The following EYS variants were observed in gnomAD, a reference collection of about 807,000 sequenced individuals.
The protein encoded by EYS is protein eyes shut homolog.
Under a neutral mutation model 282.1 loss-of-function variants are expected in EYS, and 250 were observed. That is an observed-to-expected ratio of 0.89 (90% CI 0.80 to 0.98). The LOEUF is 0.98. Ranked by LOEUF, EYS falls within the 50% of genes least tolerant of loss-of-function variation. The pLI is 0.00. For missense variants in EYS, 4,016 were observed against 3,709.0 expected (o/e 1.08, Z -2.15); for synonymous variants, 1,355 against 1,282.9 (o/e 1.06, Z -1.20).
chr6:64,315,625 A>T (rs548385609), intron 29 of EYS, among the ~76,000 whole-genome samples: 12 of 148,950 alleles, frequency 8.1e-5, no homozygotes, highest in Non-Finnish European at 1.6e-4. Flanking sequence ...ATGCAAATCA[A>T]TAAGTGTAAT....
At chr6:64,188,274 A>G (rs1765004176) in intron 31 of EYS, among the ~76,000 whole-genome samples, 1 of 152,110 alleles carries the variant, frequency 6.6e-6, no homozygotes, top group Non-Finnish European at 1.5e-5. Context: ...TAGCTCAAAG[A>G]AAATTTGCAT....
intron 31 of EYS, among the ~76,000 whole-genome samples, chr6:64,101,519 A>G (rs971703384): frequency 6.6e-6 from 1 of 151,858 alleles, no homozygotes; most frequent in African/African-American, 2.4e-5. Context: ...AAAAACAAAA[A>G]TAGAAAACCA....
At chr6:64,558,697 T>C (rs2149810239) in intron 26 of EYS, among the ~76,000 whole-genome samples, 1 of 152,308 alleles carries the variant, frequency 6.6e-6, no homozygotes, top group South Asian at 2.1e-4. Context: ...CATCATGTAA[T>C]AAACAGTATA....
In EYS at chr6:64,590,588, G is replaced by C. The variant is rs1423659317; in HGVS notation, c.5279C>G (p.Thr1760Arg). The C allele has an allele frequency of 1.1e-5, 17 of 1,551,130 alleles. No homozygotes were observed. Among genetic ancestry groups the C allele is most frequent in the Non-Finnish European group, 1.4e-5 (16 of 1,146,704 alleles). ...LQIYPDVTLK[T>R]YSEITHANDF... ...ATTTGCATGTGTAATTTCTGAATATGTCTTTAAAGTAACATCCGGATAAAT... is the reference window on the plus strand; with the variant it reads ...ATTTGCATGTGTAATTTCTGAATATCTCTTTAAAGTAACATCCGGATAAAT... Residue 1760 changes from threonine (T) to arginine (R), a missense_variant, in exon 26 of 43, where the codon ACA (threonine) becomes AGA (arginine). Coordinates refer to ENST00000503581, the MANE Select transcript of EYS (RefSeq NM_001142800.2).
In EYS at chr6:64,410,119, A is replaced by G. The variant is rs1773840342; in HGVS notation, c.5928-21279T>C. Among the ~76,000 whole-genome samples, 3 of 152,228 alleles carry G rather than the reference A, an allele frequency of 2.0e-5. No individual in the cohort carries two copies. The South Asian group carries it at 6.2e-4, about 32-fold the overall frequency. ...GGACTGTGTTAGTGCAGATAAAAAA[A>G]GAGATTCAGGGCATTTAACCAGGCA... is the stretch of plus-strand genomic sequence containing the variant. On this transcript the variant is annotated intron_variant, in intron 28 of 42. Transcript: ENST00000503581.
At chr6:64,686,853 A>ACACG in intron 22 of EYS, among the ~76,000 whole-genome samples, 1 of 19,594 alleles carries the variant, frequency 5.1e-5, no homozygotes, top group East Asian at 9.1e-4. Flanking sequence ...ATATATATAT[A>ACACG]TGTGTATATA....
chr6:64,411,959 G>GTA (rs929913828), intron 28 of EYS, among the ~76,000 whole-genome samples: 6 of 151,082 alleles, frequency 4.0e-5, no homozygotes, highest in Non-Finnish European at 7.4e-5. Context: ...ATGCATATAT[G>GTA]TATATATATA....
At chr6:65,423,523 G>T (rs1413444549) in intron 5 of EYS, among the ~76,000 whole-genome samples, 1 of 151,846 alleles carries the variant, frequency 6.6e-6, no homozygotes, top group African/African-American at 2.4e-5. Flanking sequence ...TGATTCAGCG[G>T]GTCTACATTA....
At chr6:65,367,295 G>A (rs9345609) in intron 8 of EYS, among the ~76,000 whole-genome samples, 136,577 of 151,596 alleles carry the variant, frequency 0.9, 61,928 homozygotes, top group Non-Finnish European at 0.95. Flanking sequence ...CTGCTATCTT[G>A]AGGATCCAAA....
intron 26 of EYS, among the ~76,000 whole-genome samples, chr6:64,557,046 G>A (rs1765254989): frequency 1.3e-5 from 2 of 151,808 alleles, no homozygotes; most frequent in South Asian, 2.1e-4. Context: ...ACAATAAGTA[G>A]AAAAATAACA....
intron 11 of EYS, among the ~76,000 whole-genome samples, chr6:65,306,581 G>A (rs148367660): frequency 0.031 from 4,656 of 151,168 alleles, 85 homozygotes; most frequent in Non-Finnish European, 0.044. Flanking sequence ...TCAATGTTTC[G>A]TGTTCCGCAT....
intron 14 of EYS, among the ~76,000 whole-genome samples, chr6:64,967,471 C>T (rs1005933375): frequency 6.6e-6 from 1 of 151,956 alleles, no homozygotes; most frequent in Non-Finnish European, 1.5e-5. Flanking sequence ...ATTAGAGCAA[C>T]CACACCTGGC....
chr6:63,950,982 C>A (rs1765569569), intron 35 of EYS, among the ~76,000 whole-genome samples: 1 of 152,030 alleles, frequency 6.6e-6, no homozygotes, highest in Admixed American at 6.6e-5. Flanking sequence ...TGATTATTCA[C>A]CGACATTTCA....
intron 2 of EYS, among the ~76,000 whole-genome samples, chr6:65,538,243 A>T (rs1768032507): frequency 6.6e-6 from 1 of 152,210 alleles, no homozygotes; most frequent in Non-Finnish European, 1.5e-5. Context: ...TTAAGAAAGC[A>T]AGAAGAGTGG....
At chr6:64,123,552 CA>C (rs1773661123) in intron 31 of EYS, among the ~76,000 whole-genome samples, 1 of 152,126 alleles carries the variant, frequency 6.6e-6, no homozygotes, top group South Asian at 2.1e-4. Flanking sequence ...CACCTTTTAG[CA>C]ATCTTGGTTT....
chr6:65,583,472 C>A (rs1469579992), intron 2 of EYS, among the ~76,000 whole-genome samples: 1 of 151,982 alleles, frequency 6.6e-6, no homozygotes, highest in Non-Finnish European at 1.5e-5. Context: ...AATGGCAAGT[C>A]CGAGCCGGTA....
At chr6:65,616,611 C>T (rs1444886928) in intron 2 of EYS, among the ~76,000 whole-genome samples, 2 of 151,918 alleles carry the variant, frequency 1.3e-5, no homozygotes, top group South Asian at 2.1e-4. Context: ...AATGGTGAAA[C>T]CCCGTGTCTA....
chr6:64,215,430 G>T (rs1395251934), intron 31 of EYS, among the ~76,000 whole-genome samples: 1 of 151,926 alleles, frequency 6.6e-6, no homozygotes, highest in Non-Finnish European at 1.5e-5. Flanking sequence ...ATTAAAGTTA[G>T]GAGAGTTGCC....
chr6:64,349,065 T>C (rs915550548), intron 29 of EYS, among the ~76,000 whole-genome samples: 1 of 151,414 alleles, frequency 6.6e-6, no homozygotes, highest in Non-Finnish European at 1.5e-5. Context: ...CTTAAAATTA[T>C]ATAAAAATGA....
Sources: gnomAD v4.1 joint callset for allele counts (sites outside exome capture counted in the v4.1 genomes callset) on GRCh38, gnomAD v4.1.1 for gene constraint, MANE v1.5 for transcripts, NCBI Gene and HGNC (gene_info 2026-07-23, HGNC 2026-07-21) for gene names.